Variants in KIAA1614 observed in about 807,000 individuals in gnomAD.
KIAA1614 encodes the protein KIAA1614, also known as uncharacterized protein KIAA1614.
Under a neutral mutation model 88.7 loss-of-function variants are expected in KIAA1614, and 76 were observed. The observed-to-expected ratio is 0.86, with a 90% CI of 0.71 to 1.04. KIAA1614 has a LOEUF of 1.04. Ranked by LOEUF, KIAA1614 falls within the 50% of genes least tolerant of loss-of-function variation. KIAA1614 has a pLI of 0.00. For synonymous variants in KIAA1614, 714 were observed against 675.5 expected (o/e 1.06, Z -0.88); for missense variants, 1,553 against 1,582.5 (o/e 0.98, Z 0.32).
intron 6 of KIAA1614, among the ~76,000 whole-genome samples, chr1:180,939,538 C>T (rs1009074075): frequency 1.1e-4 from 17 of 152,166 alleles, no homozygotes; most frequent in African/African-American, 1.7e-4. Flanking sequence ...TTGCCAGCTC[C>T]GGAACCCCCT....
chr1:180,935,308 C>T lies in KIAA1614; in HGVS notation c.1399C>T (p.Arg467Trp). Residue 467 changes from arginine to tryptophan, a missense_variant, in exon 5 of 9, where the codon CGG becomes TGG. By Grantham distance (101) the Arg-to-Trp change is moderately radical. Coordinates refer to ENST00000367588, the MANE Select transcript of KIAA1614 (RefSeq NM_020950.2). The surrounding 1 kb of genome is among the most constrained non-coding windows in gnomAD (Gnocchi z 6.1). ...AREAEFRHLE[R>W]LQQRQRQVLS... is the part of the protein sequence containing the mutation. ...CGAAGCCGAGTTCCGTCACCTGGAG[C>T]GGCTGCAGCAGCGCCAGCGCCAGGT... 5 of 1,485,972 alleles carry T rather than the reference C, an allele frequency of 3.4e-6. No homozygotes were observed. Among genetic ancestry groups the T allele is most frequent in the East Asian group, 2.5e-5 (1 of 40,056 alleles). The allele number at this position is 1,485,972 out of a possible 1,614,324, so 92.0% of individuals were successfully genotyped here.
At position 180,938,637 on chromosome 1, in the gene KIAA1614, G is replaced by T; in HGVS notation, c.2844G>T (p.Glu948Asp). 1 of 1,614,068 alleles carries T rather than the reference G, an allele frequency of 6.2e-7. No individual in the cohort carries two copies. Among genetic ancestry groups the T allele is most frequent in the African/African-American group, 1.3e-5 (1 of 75,066 alleles). ...TCACCCTCTCCCTGTCCTCAGAGGA[G>T]TCAGAGTCCAGCAAGGAATCAGAGG... ...TGITLSLSSE[E>D]SESSKESEGS... The change falls in exon 6 of 9, where the codon GAG becomes GAT. Residue 948 changes from glutamate to aspartate, a missense_variant. Glu to Asp is a conservative substitution (Grantham distance 45). Transcript: ENST00000367588.
chr1:180,917,783 C>A, intron 2 of KIAA1614, 68 bp from the exon 3 acceptor site: 2 of 1,263,020 alleles, frequency 1.6e-6, no homozygotes, highest in South Asian at 1.2e-5. Context: ...CCTCAGTGTT[C>A]ACTAAGTGGC....
chr1:180,938,522 T>C (rs1361650174), intron 5 of KIAA1614, 33 bp from the exon 6 acceptor site: 1 of 1,608,740 alleles, frequency 6.2e-7, no homozygotes, highest in Non-Finnish European at 8.5e-7. Flanking sequence ...GATGAGCCGG[T>C]CTGACTCAGG....
intron 4 of KIAA1614, among the ~76,000 whole-genome samples, chr1:180,929,978 G>A (rs556746709): frequency 2.0e-5 from 3 of 152,298 alleles, no homozygotes; most frequent in African/African-American, 7.2e-5. Flanking sequence ...CCACTGAGAC[G>A]ACTCCTTCAT....
Position 180,935,721 on chromosome 1 carries a change from C to A in KIAA1614, c.1812C>A (p.Cys604Ter). 3 of 1,613,738 alleles carry A rather than the reference C, an allele frequency of 1.9e-6. No individual in the cohort carries two copies. The South Asian group carries it at 3.3e-5, about 18-fold the overall frequency. The part of the protein sequence containing the change: ...IRETHIGDTV[C>*]PAEVDSALDS... ...AAACACACATCGGAGACACCGTGTG[C>A]CCTGCGGAGGTGGACTCTGCCCTGG... is the stretch of plus-strand genomic sequence containing the variant. Residue 604 changes from cysteine to a stop codon, truncating the protein, a stop_gained, in exon 5 of 9, where the codon TGC becomes TGA. Transcript: ENST00000367588. LOFTEE classifies it high-confidence loss of function. The surrounding 1 kb of genome is among the most constrained non-coding windows in gnomAD (Gnocchi z 6.1).
rs1026710387 is a variant in KIAA1614, at chr1:180,951,382, T to G, written c.*5794T>G. On this transcript the variant is annotated 3_prime_UTR_variant, in exon 9 of 9. Coordinates refer to ENST00000367588, the MANE Select transcript of KIAA1614 (RefSeq NM_020950.2). Reference sequence around the variant, plus strand: ...AGCCTCCATCTTAGTTCTGTCCAGCTTGGAGACAGGGCTGCGGCAGGTGCC... The same window carrying G: ...AGCCTCCATCTTAGTTCTGTCCAGCGTGGAGACAGGGCTGCGGCAGGTGCC... 2 of 152,174 alleles carry G rather than the reference T, an allele frequency of 1.3e-5. No individual in the cohort carries two copies. The highest frequency in any genetic ancestry group is 4.8e-5 in the African/African-American group (2 of 41,426). 9.4% of individuals were successfully genotyped at this position (152,174 alleles called of 1,614,324 possible).
intron 4 of KIAA1614, among the ~76,000 whole-genome samples, chr1:180,930,866 C>T (rs752985355): frequency 2.6e-5 from 4 of 152,212 alleles, no homozygotes; most frequent in Non-Finnish European, 5.9e-5. Flanking sequence ...GGTTACGCTC[C>T]GTCAAATCAC....
In KIAA1614 at chr1:180,928,522, G is replaced by A. The variant is rs532814118; in HGVS notation, c.1154G>A (p.Arg385Gln). The A allele has an allele frequency of 1.1e-4, 176 of 1,612,960 alleles. No homozygotes were observed. The East Asian group carries it at 2.6e-3, about 23-fold the overall frequency. ...LQRARMKARTRPLRASHDIVP... is the reference protein window; with the variant it reads ...LQRARMKARTQPLRASHDIVP... Reference sequence around the variant, plus strand: ...CGTGCCCGCATGAAGGCCAGGACCCGGCCCCTCCGTGCCAGCCATGACATC... The same window carrying A: ...CGTGCCCGCATGAAGGCCAGGACCCAGCCCCTCCGTGCCAGCCATGACATC... Residue 385 changes from arginine to glutamine, a missense_variant, in exon 4 of 9, where the codon CGG becomes CAG. By Grantham distance (43) the Arg-to-Gln change is conservative. Transcript: ENST00000367588.
In KIAA1614 at chr1:180,945,633, A is replaced by G; in HGVS notation, c.*45A>G. On this transcript the variant is annotated 3_prime_UTR_variant, in exon 9 of 9. Coordinates refer to ENST00000367588, the MANE Select transcript of KIAA1614 (RefSeq NM_020950.2). Reference sequence around the variant, plus strand: ...TCAGAAAGCCTCTGACTACAGGACTAGGCTTCTCCCCTCAGGGGCTCTTTC... The same window carrying G: ...TCAGAAAGCCTCTGACTACAGGACTGGGCTTCTCCCCTCAGGGGCTCTTTC... 1.9e-6 allele frequency: 3 copies of G among 1,539,656 alleles called. No individual in the cohort carries two copies. In the South Asian group the frequency reaches 3.7e-5, roughly 19 times the overall value.
At position 180,951,378 on chromosome 1, in the gene KIAA1614, C is replaced by T. The variant is rs1184264397; in HGVS notation, c.*5790C>T. The T allele has an allele frequency of 2.0e-5, 3 of 152,208 alleles. No individual in the cohort carries two copies. Among genetic ancestry groups the T allele is most frequent in the Non-Finnish European group, 4.4e-5 (3 of 68,058 alleles). The allele number at this position is 152,208 out of a possible 1,614,324, so 9.4% of individuals were successfully genotyped here. A position where few individuals can be genotyped will look rare whatever the true frequency, so the allele number is the denominator to read the frequency against. On this transcript the variant is annotated 3_prime_UTR_variant, in exon 9 of 9. Coordinates refer to ENST00000367588, the MANE Select transcript of KIAA1614 (RefSeq NM_020950.2). ...TGGCAGCCTCCATCTTAGTTCTGTC[C>T]AGCTTGGAGACAGGGCTGCGGCAGG...
chr1:180,932,974 C>A (rs1355674209), intron 4 of KIAA1614, among the ~76,000 whole-genome samples: 1 of 152,138 alleles, frequency 6.6e-6, no homozygotes, highest in Non-Finnish European at 1.5e-5. Context: ...CTCCTGAGCT[C>A]AGGCAATCCG....
At position 180,946,832 on chromosome 1, in the gene KIAA1614, T is replaced by TTA. The variant is rs1219384862; in HGVS notation, c.*1247_*1248dup. The TTA allele has an allele frequency of 3.3e-5, 5 of 152,276 alleles. No homozygotes were observed. The highest frequency in any genetic ancestry group is 1.2e-4 in the African/African-American group (5 of 41,458). 9.4% of individuals were successfully genotyped at this position (152,276 alleles called of 1,614,324 possible). A position where few individuals can be genotyped will look rare whatever the true frequency, so the allele number is the denominator to read the frequency against. On this transcript the variant is annotated 3_prime_UTR_variant, in exon 9 of 9. Transcript: ENST00000367588. ...ATATATACTAAGCACCTACTATGTG[T>TTA]TATAGATACGGGGGATACAGCAGTA...
chr1:180,917,163 A>G (rs1653835324), intron 2 of KIAA1614, 63 bp downstream of exon 2: 5 of 1,295,758 alleles, frequency 3.9e-6, no homozygotes, highest in Non-Finnish European at 5.4e-6. Flanking sequence ...AGGGAGGAAA[A>G]GGGGACGAGG....
intron 3 of KIAA1614, 122 bp from the exon 4 acceptor site, chr1:180,928,308 A>G: frequency 8.5e-7 from 1 of 1,181,690 alleles, no homozygotes; most frequent in Non-Finnish European, 1.1e-6. Context: ...TAGAGGAGGA[A>G]GGCTGCACAT....
At chr1:180,918,404 C>T (rs1234452222) in intron 3 of KIAA1614, among the ~76,000 whole-genome samples, 2 of 152,224 alleles carry the variant, frequency 1.3e-5, no homozygotes, top group Non-Finnish European at 2.9e-5. Flanking sequence ...TATCCCACGG[C>T]CTTCGCTCCA....
At chr1:180,918,352 G>T (rs1441002639) in intron 3 of KIAA1614, among the ~76,000 whole-genome samples, 1 of 152,180 alleles carries the variant, frequency 6.6e-6, no homozygotes, top group African/African-American at 2.4e-5. Context: ...AAGAGGTTGT[G>T]CTGGGATCAT....
At chr1:180,929,648 C>T (rs187897254) in intron 4 of KIAA1614, among the ~76,000 whole-genome samples, 2 of 152,340 alleles carry the variant, frequency 1.3e-5, no homozygotes, top group Admixed American at 6.5e-5. Flanking sequence ...CCTGTTCCGC[C>T]GATGGTGCAC....
chr1:180,917,221 T>A lies in KIAA1614; in HGVS notation c.997+121T>A, dbSNP rs1280123585. On this transcript the variant is annotated intron_variant, in intron 2 of 8. Transcript: ENST00000367588. Reference sequence around the variant, plus strand: ...CAGGAAAGGAGGGAGAGCCTGACAGTTGCCTGTCATCAAAATCATCAGGAT... The same window carrying A: ...CAGGAAAGGAGGGAGAGCCTGACAGATGCCTGTCATCAAAATCATCAGGAT... 7 of 724,836 alleles carry A rather than the reference T, an allele frequency of 9.7e-6. No homozygotes were observed. The African/African-American group carries it at 1.1e-4, about 11-fold the overall frequency. 44.9% of individuals were successfully genotyped at this position (724,836 alleles called of 1,614,324 possible).
Sources: allele counts gnomAD v4.1 joint callset (sites outside exome capture counted in the v4.1 genomes callset), GRCh38; gene constraint gnomAD v4.1.1; non-coding constraint Gnocchi (gnomAD v3.1); transcripts MANE v1.5; gene names NCBI Gene and HGNC (gene_info 2026-07-23, HGNC 2026-07-21).